The following TANC1 variants were observed in gnomAD, a reference collection of about 807,000 sequenced individuals.
TANC1 encodes protein TANC1.
Under a neutral mutation model 149.7 loss-of-function variants are expected in TANC1, and 77 were observed. The observed-to-expected ratio is 0.51, with a 90% CI of 0.43 to 0.62. TANC1 has a LOEUF of 0.62. Ranked by LOEUF, TANC1 falls within the 20% of genes least tolerant of loss-of-function variation. The pLI is 0.00. For synonymous variants in TANC1, 854 were observed against 925.0 expected (o/e 0.92, Z 1.39); for missense variants, 1,985 against 2,321.8 (o/e 0.85, Z 2.98).
At chr2:159,130,570 CCTGA>C (rs997439400) in intron 4 of TANC1, among the ~76,000 whole-genome samples, 1 of 152,126 alleles carries the variant, frequency 6.6e-6, no homozygotes, top group African/African-American at 2.4e-5. Context: ...TGTGATGGCT[CCTGA>C]CTGTGTGGCC....
In TANC1 at chr2:159,219,975, AGAGT is replaced by A. The variant is rs778732492; in HGVS notation, c.3678+110_3678+113del. The A allele has an allele frequency of 6.8e-3, 5,094 of 744,732 alleles. 8 individuals are homozygous for A. The highest frequency in any genetic ancestry group is 0.011 in the African/African-American group (506 of 48,078). 46.1% of individuals were successfully genotyped at this position (744,732 alleles called of 1,614,324 possible). On this transcript the variant is annotated intron_variant, in intron 22 of 26. Transcript: ENST00000263635. Reference sequence around the variant, plus strand: ...TGAGGTTGTGTCTCAGTGTCATCAGAGAGTGTGTGTGTGTGTGTGTGTGTGTGTG... The same window carrying A: ...TGAGGTTGTGTCTCAGTGTCATCAGAGTGTGTGTGTGTGTGTGTGTGTGTG...
chr2:159,185,649 T>G, intron 14 of TANC1, 142 bp from the exon 15 acceptor site: 1 of 620,456 alleles, frequency 1.6e-6, no homozygotes, highest in Non-Finnish European at 2.9e-6. Context: ...ATGACTCAGA[T>G]GAGACCCTTA....
At chr2:159,117,597 C>T (rs192884437) in intron 4 of TANC1, among the ~76,000 whole-genome samples, 56 of 151,868 alleles carry the variant, frequency 3.7e-4, no homozygotes, top group African/African-American at 9.7e-4. Flanking sequence ...GGGGTTTCAC[C>T]GTGTTGGCCA....
chr2:159,022,010 A>T (rs544384789), intron 2 of TANC1, among the ~76,000 whole-genome samples: 1 of 152,240 alleles, frequency 6.6e-6, no homozygotes, highest in Non-Finnish European at 1.5e-5. Flanking sequence ...TGGAGAGATC[A>T]ATGTCTTTTT....
At chr2:159,102,405 G>C (rs1420873755) in intron 4 of TANC1, among the ~76,000 whole-genome samples, 1 of 150,580 alleles carries the variant, frequency 6.6e-6, no homozygotes. Flanking sequence ...TCAGCCTCAA[G>C]TAGCTGGGAC....
At chr2:159,223,296 T>C (rs1479862628) in intron 22 of TANC1, among the ~76,000 whole-genome samples, 2 of 152,104 alleles carry the variant, frequency 1.3e-5, no homozygotes, top group African/African-American at 4.8e-5. Flanking sequence ...CTTTTTTTAA[T>C]AGTAGCTTTT....
chr2:158,999,407 G>A (rs749474386), intron 1 of TANC1, among the ~76,000 whole-genome samples: 39 of 152,252 alleles, frequency 2.6e-4, no homozygotes, highest in Admixed American at 4.6e-4. Flanking sequence ...AAATAGCAAG[G>A]GAGGTTTATT....
Position 159,230,860 on chromosome 2 carries a change from G to C in TANC1, c.5434G>C (p.Val1812Leu). Residue 1812 changes from valine to leucine, a missense_variant, in exon 27 of 27, where the codon GTC (valine) becomes CTC (leucine). Transcript: ENST00000263635. The surrounding 1 kb of genome is among the most constrained non-coding windows in gnomAD (Gnocchi z 4.4). ...ELEESKCQIP[V>L]HSQENRITKT... ...AGAAGAAAGCAAGTGCCAAATTCCA[G>C]TCCACTCTCAAGAGAACAGGATAAC... The C allele has an allele frequency of 6.2e-7, 1 of 1,614,220 alleles. No individual in the cohort carries two copies. Among genetic ancestry groups the C allele is most frequent in the South Asian group, 1.1e-5 (1 of 91,086 alleles).
rs540218175 is a variant in TANC1 at position 159,207,414 on chromosome 2, C to A, written c.3244+8361C>A. Among the ~76,000 whole-genome samples, 5 of 152,250 alleles carry A rather than the reference C, an allele frequency of 3.3e-5. No individual in the cohort carries two copies. The East Asian group carries it at 9.6e-4, about 29-fold the overall frequency. ...GGCAGCATTGTAGGAGCTAAGAACTCAGACTGGCCAGGTCCAGTGGCTCAC... is the reference window on the plus strand; with the variant it reads ...GGCAGCATTGTAGGAGCTAAGAACTAAGACTGGCCAGGTCCAGTGGCTCAC... On this transcript the variant is annotated intron_variant, in intron 19 of 26. Transcript: ENST00000263635.
At chr2:159,198,041 C>T (rs947820979) in intron 18 of TANC1, among the ~76,000 whole-genome samples, 2 of 152,116 alleles carry the variant, frequency 1.3e-5, no homozygotes, top group African/African-American at 4.8e-5. Flanking sequence ...TTGAAGCCAC[C>T]TGTATTTTTT....
At chr2:159,135,187 A>G (rs903706907) in intron 4 of TANC1, among the ~76,000 whole-genome samples, 7 of 150,950 alleles carry the variant, frequency 4.6e-5, no homozygotes, top group Non-Finnish European at 8.8e-5. Flanking sequence ...TGACATATGA[A>G]TGGAATCATG....
At position 159,169,448 on chromosome 2, in the gene TANC1, G is replaced by A; in HGVS notation, c.1069+76G>A. ...TAACTTTGAAAGTCTGTGATAACCA[G>A]CATTGAAGCCAACTGTGTTTATAAC... On this transcript the variant is annotated intron_variant, in intron 9 of 26. Coordinates refer to ENST00000263635, the MANE Select transcript of TANC1 (RefSeq NM_033394.3). 4.8e-6 allele frequency: 7 copies of A among 1,448,640 alleles called. No homozygotes were observed. The South Asian group carries it at 6.1e-5, about 13-fold the overall frequency. 89.7% of individuals were successfully genotyped at this position (1,448,640 alleles called of 1,614,324 possible).
At chr2:159,228,156 C>A in intron 25 of TANC1, 191 bp downstream of exon 25, 1 of 616,774 alleles carries the variant, frequency 1.6e-6, no homozygotes, top group South Asian at 2.1e-5. Context: ...CTACGCTCCT[C>A]GCATGATGTT....
chr2:159,214,856 A>AT (rs976103445), intron 19 of TANC1, among the ~76,000 whole-genome samples: 6 of 152,072 alleles, frequency 3.9e-5, no homozygotes, highest in Non-Finnish European at 5.9e-5. Context: ...CTTTAAATGC[A>AT]TTTTTCTGGA....
intron 11 of TANC1, among the ~76,000 whole-genome samples, chr2:159,174,338 C>T (rs948129259): frequency 3.3e-5 from 5 of 152,118 alleles, no homozygotes; most frequent in African/African-American, 1.2e-4. Flanking sequence ...ACTTATCTCT[C>T]CACACGATGG....
intron 7 of TANC1, among the ~76,000 whole-genome samples, chr2:159,155,745 GTATGCATT>G (rs752637368): frequency 6.6e-6 from 1 of 152,222 alleles, no homozygotes; most frequent in Non-Finnish European, 1.5e-5. Flanking sequence ...AGAGAGGCAG[GTATGCATT>G]TAGACAGGGG....
chr2:159,107,007 G>T (rs533254681), intron 4 of TANC1, among the ~76,000 whole-genome samples: 3 of 148,974 alleles, frequency 2.0e-5, no homozygotes, highest in South Asian at 2.1e-4. Flanking sequence ...TTTATTGGTG[G>T]CTTTTTTGTT....
At chr2:159,154,114 G>A (rs1481412795) in intron 7 of TANC1, among the ~76,000 whole-genome samples, 1 of 152,178 alleles carries the variant, frequency 6.6e-6, no homozygotes, top group Admixed American at 6.5e-5. Context: ...CAGAGGCTTT[G>A]GGGGTGGACT....
rs56992262 is a variant in TANC1, at chr2:159,143,551, CAAAAAAAAAAAAAAAAAAAAA to C, written c.365-5578_365-5558del. On this transcript the variant is annotated intron_variant, in intron 5 of 26. Coordinates refer to ENST00000263635, the MANE Select transcript of TANC1 (RefSeq NM_033394.3). Reference sequence around the variant, plus strand: ...TGAGTAACATAGCAAGACCCCATCTCAAAAAAAAAAAAAAAAAAAAAAAAAAAAAAAAATGGAAATTGCTGA... The same window carrying C: ...TGAGTAACATAGCAAGACCCCATCTCAAAAAAAAAAAATGGAAATTGCTGA... 1.0e-4 allele frequency among the ~76,000 whole-genome samples: 7 copies of C among 67,300 alleles called. 1 individual carries two copies. The South Asian group carries it at 6.7e-3, about 64-fold the overall frequency. 44.2% of individuals were successfully genotyped at this position (67,300 alleles called of 152,430 possible).
Sources: gnomAD v4.1 joint callset for allele counts (sites outside exome capture counted in the v4.1 genomes callset) on GRCh38, gnomAD v4.1.1 for gene constraint, Gnocchi (gnomAD v3.1) non-coding constraint, MANE v1.5 for transcripts, NCBI Gene and HGNC (gene_info 2026-07-23, HGNC 2026-07-21) for gene names.